The following RMDN2 variants were observed in gnomAD, a reference collection of about 807,000 sequenced individuals.
RMDN2 encodes the protein regulator of microtubule dynamics protein 2.
RMDN2 carries 61 observed loss-of-function variants against 52.8 expected under a neutral mutation model. The observed-to-expected ratio is 1.16, with a 90% CI of 0.94 to 1.43. The LOEUF (loss-of-function observed/expected upper bound fraction) is 1.43. Among genes scored for constraint, RMDN2 ranks in the 40% most tolerant of loss-of-function variants. The pLI is 0.00. For missense variants in RMDN2, 592 were observed against 475.3 expected (o/e 1.25, Z -2.28); for synonymous variants, 180 against 153.1 (o/e 1.18, Z -1.30).
chr2:38,007,825 T>C (rs1677339345), intron 10 of RMDN2, among the ~76,000 whole-genome samples: 1 of 152,244 alleles, frequency 6.6e-6, no homozygotes. Flanking sequence ...TCTTTCCTGC[T>C]TTCTCTGGTG....
chr2:38,041,151 A>G (rs917574272), intron 10 of RMDN2, among the ~76,000 whole-genome samples: 5 of 152,162 alleles, frequency 3.3e-5, no homozygotes, highest in South Asian at 2.1e-4. Flanking sequence ...CAGTTTCACC[A>G]TCTGACTCGG....
chr2:37,954,702 A>G (rs1271156758), intron 2 of RMDN2, among the ~76,000 whole-genome samples: 1 of 152,108 alleles, frequency 6.6e-6, no homozygotes, highest in Non-Finnish European at 1.5e-5. Context: ...TGGAATTCCA[A>G]ATGAATTTCA....
chr2:37,990,261 G>C (rs1272681768), intron 6 of RMDN2, among the ~76,000 whole-genome samples: 1 of 151,846 alleles, frequency 6.6e-6, no homozygotes, highest in Admixed American at 6.6e-5. Flanking sequence ...GCTCACACCT[G>C]TAATCACAGC....
At chr2:38,008,607 C>T (rs6756153) in intron 10 of RMDN2, among the ~76,000 whole-genome samples, 62,368 of 151,860 alleles carry the variant, frequency 0.41, 14,255 homozygotes, top group East Asian at 0.77. Context: ...TGTCTCTGCA[C>T]GTGAGATGGG....
At chr2:37,956,103 G>A (rs1389369567) in intron 2 of RMDN2, among the ~76,000 whole-genome samples, 2 of 152,118 alleles carry the variant, frequency 1.3e-5, no homozygotes, top group Non-Finnish European at 2.9e-5. Context: ...TCAGTGTTTT[G>A]GAAGAGTTTG....
intron 2 of RMDN2, among the ~76,000 whole-genome samples, chr2:37,943,076 T>C (rs1356379974): frequency 6.6e-6 from 1 of 152,214 alleles, no homozygotes; most frequent in African/African-American, 2.4e-5. Context: ...TGAAAGGAAC[T>C]GCTAAAGGCT....
rs116428366 is a variant in RMDN2, at chr2:38,026,290, T to A, written c.1713+22074T>A. Among the ~76,000 whole-genome samples the A allele has an allele frequency of 4.4e-3, 665 of 152,266 alleles. 5 individuals are homozygous for A. Among genetic ancestry groups the A allele is most frequent in the African/African-American group, 0.015 (644 of 41,578 alleles). On this transcript the variant is annotated intron_variant, in intron 10 of 10. Transcript: ENST00000234195. ...TTATTCTTTTATTATCTATAAAATC[T>A]GTAGTGATGCCACCTCTCTCATTCT...
downstream of RMDN2, among the ~76,000 whole-genome samples, chr2:38,022,719 A>T (rs1679483019): frequency 6.6e-6 from 1 of 152,226 alleles, no homozygotes; most frequent in Non-Finnish European, 1.5e-5. Flanking sequence ...GTAACATGAA[A>T]ATCCATGCCA....
chr2:38,030,593 T>C (rs1344753549), intron 10 of RMDN2: 1 of 152,238 alleles, frequency 6.6e-6, no homozygotes, highest in Non-Finnish European at 1.5e-5. Flanking sequence ...TTTCTTTTAA[T>C]TGTAAAAAAC....
chr2:38,044,531 A>G (rs1399761126), intron 10 of RMDN2, among the ~76,000 whole-genome samples: 2 of 150,432 alleles, frequency 1.3e-5, no homozygotes, highest in African/African-American at 4.9e-5. Flanking sequence ...TACACCTTCT[A>G]TAATTGCCTC....
chr2:37,974,270 A>G, intron 3 of RMDN2, 56 bp downstream of exon 3: 1 of 1,144,806 alleles, frequency 8.7e-7, no homozygotes, highest in South Asian at 1.9e-5. Context: ...TTAATCTGCC[A>G]TCTGTTTCAG....
chr2:37,955,698 C>T (rs937128590), intron 2 of RMDN2, among the ~76,000 whole-genome samples: 4 of 152,028 alleles, frequency 2.6e-5, no homozygotes, highest in African/African-American at 7.2e-5. Flanking sequence ...TTTCTCTTGA[C>T]GCCACCATAT....
intron 7 of RMDN2, 116 bp from the exon 8 acceptor site, chr2:37,997,300 A>G: frequency 2.9e-6 from 2 of 698,554 alleles, no homozygotes; most frequent in East Asian, 2.6e-5. Flanking sequence ...TGTATATGTT[A>G]TATCTATACA....
chr2:37,978,188 TG>T (rs1424317438), intron 4 of RMDN2, among the ~76,000 whole-genome samples: 2 of 151,924 alleles, frequency 1.3e-5, no homozygotes, highest in African/African-American at 4.8e-5. Context: ...GGCGTGGTGA[TG>T]CGTGCCTGCA....
chr2:37,978,940 T>C (rs762328128), intron 4 of RMDN2, among the ~76,000 whole-genome samples: 5 of 152,220 alleles, frequency 3.3e-5, no homozygotes, highest in Non-Finnish European at 7.3e-5. Flanking sequence ...GCTCTGGATC[T>C]CTATTCTTAA....
At chr2:37,993,510 C>T (rs1675097017) in intron 7 of RMDN2, among the ~76,000 whole-genome samples, 2 of 149,726 alleles carry the variant, frequency 1.3e-5, no homozygotes, top group Admixed American at 1.3e-4. Flanking sequence ...AATGGAAGAA[C>T]CTACAGAAAA....
At chr2:37,981,436 T>A in intron 5 of RMDN2, 93 bp downstream of exon 5, 1 of 794,922 alleles carries the variant, frequency 1.3e-6, no homozygotes, top group Non-Finnish European at 2.2e-6. Flanking sequence ...CTCATACGTT[T>A]AATCTGTCAG....
chr2:38,048,923 T>A (rs1325152472), intron 10 of RMDN2, among the ~76,000 whole-genome samples: 1 of 152,242 alleles, frequency 6.6e-6, no homozygotes, highest in African/African-American at 2.4e-5. Flanking sequence ...ACTAACTCAT[T>A]ATGATCATTC....
intron 2 of RMDN2, chr2:37,951,317 T>C (rs1305013808): frequency 6.2e-7 from 1 of 1,613,066 alleles, no homozygotes; most frequent in Non-Finnish European, 8.5e-7. Context: ...GAGCCTCTTC[T>C]ATTTCACAAC....
Sources: gnomAD v4.1 joint callset for allele counts (sites outside exome capture counted in the v4.1 genomes callset) on GRCh38, gnomAD v4.1.1 for gene constraint, MANE v1.5 for transcripts, NCBI Gene and HGNC (gene_info 2026-07-23, HGNC 2026-07-21) for gene names.